ANKH: variants seen among roughly 807,000 people sequenced by gnomAD.
ANKH encodes mineralization regulator ANKH.
In ANKH, 15 loss-of-function variants were observed where a neutral mutation model predicts 49.0. The ratio of observed to expected loss-of-function variants is 0.31; its 90% CI spans 0.20 to 0.47. The LOEUF is 0.47. Among genes scored for constraint, ANKH ranks in the 20% least tolerant of loss-of-function variants. The pLI is 1.00. For missense variants in ANKH, 429 were observed against 652.0 expected (o/e 0.66, Z 3.72); for synonymous variants, 273 against 260.0 (o/e 1.05, Z -0.48).
At chr5:14,739,020 G>T (rs1738271796) in intron 8 of ANKH, among the ~76,000 whole-genome samples, 1 of 152,190 alleles carries the variant, frequency 6.6e-6, no homozygotes, top group Non-Finnish European at 1.5e-5. Context: ...GCCTCATGAA[G>T]TTTGGGGCCC....
chr5:14,824,837 C>T (rs925730899), intron 1 of ANKH, among the ~76,000 whole-genome samples: 4 of 152,130 alleles, frequency 2.6e-5, no homozygotes, highest in South Asian at 2.1e-4. Context: ...TCTGGTTACA[C>T]GCCCCAAAAG....
chr5:14,810,653 G>A (rs1304475703), intron 1 of ANKH, among the ~76,000 whole-genome samples: 1 of 152,044 alleles, frequency 6.6e-6, no homozygotes, highest in Admixed American at 6.6e-5. Flanking sequence ...CAAGTCTCAG[G>A]AATCTCTTGC....
chr5:14,830,208 G>A (rs1241535179), intron 1 of ANKH, among the ~76,000 whole-genome samples: 1 of 152,204 alleles, frequency 6.6e-6, no homozygotes, highest in Non-Finnish European at 1.5e-5. Context: ...GTCCTTCTGT[G>A]TATTTGAGGC....
At chr5:14,753,636 A>G (rs17250977) in intron 4 of ANKH, among the ~76,000 whole-genome samples, 4,094 of 152,338 alleles carry the variant, frequency 0.027, 76 homozygotes, top group Middle Eastern at 0.078. Flanking sequence ...ACCAGGGAAC[A>G]AAACAAAAAC....
At chr5:14,822,135 T>G (rs955750783) in intron 1 of ANKH, among the ~76,000 whole-genome samples, 1 of 152,220 alleles carries the variant, frequency 6.6e-6, no homozygotes, top group African/African-American at 2.4e-5. Context: ...AACATGTAGC[T>G]AGGAGCATTT....
In ANKH at chr5:14,706,365, C is replaced by T. The variant is rs1177629506; in HGVS notation, c.*4832G>A. 2.0e-5 allele frequency: 3 copies of T among 152,190 alleles called. No homozygotes were observed. The highest frequency in any genetic ancestry group is 4.4e-5 in the Non-Finnish European group (3 of 68,018). The allele number at this position is 152,190 out of a possible 1,614,324, so 9.4% of individuals were successfully genotyped here. The stretch of plus-strand genomic sequence containing the variant: ...AATGAAATATTTTAAAAGATACTGG[C>T]TATAATTCTCCTGGAACCACTTGGA... On this transcript the variant is annotated 3_prime_UTR_variant, in exon 12 of 12. Transcript: ENST00000284268.
intron 6 of ANKH, among the ~76,000 whole-genome samples, chr5:14,748,776 T>C (rs1738620254): frequency 6.6e-6 from 1 of 152,242 alleles, no homozygotes; most frequent in East Asian, 1.9e-4. Context: ...GTGGCATGCA[T>C]GCTCCATCAT....
chr5:14,849,739 T>G (rs1285025118), intron 1 of ANKH, among the ~76,000 whole-genome samples: 1 of 152,228 alleles, frequency 6.6e-6, no homozygotes, highest in East Asian at 1.9e-4. Flanking sequence ...ACCATAGCTG[T>G]GCCGGACGAT....
chr5:14,811,090 C>T (rs894513687), intron 1 of ANKH, among the ~76,000 whole-genome samples: 6 of 152,194 alleles, frequency 3.9e-5, no homozygotes, highest in Non-Finnish European at 5.9e-5. Context: ...GACTGCACAG[C>T]CTCCTCACTA....
At chr5:14,716,597 G>C in intron 9 of ANKH, 109 bp downstream of exon 9, 1 of 1,488,186 alleles carries the variant, frequency 6.7e-7, no homozygotes, top group Admixed American at 1.7e-5. Context: ...CTAAGCCACA[G>C]TGAAATTTTA....
At chr5:14,833,749 T>C (rs1741575151) in intron 1 of ANKH, among the ~76,000 whole-genome samples, 1 of 152,178 alleles carries the variant, frequency 6.6e-6, no homozygotes, top group Non-Finnish European at 1.5e-5. Flanking sequence ...GCTTATAGTA[T>C]AATGCAAAGC....
intron 1 of ANKH, among the ~76,000 whole-genome samples, chr5:14,830,212 T>C (rs1741461988): frequency 6.6e-6 from 1 of 152,248 alleles, no homozygotes; most frequent in East Asian, 1.9e-4. Context: ...TTCTGTGTAT[T>C]TGAGGCTGCC....
At chr5:14,764,097 A>AAATAAATAAATAAATAAATAAATAAAT (rs1561044514) in intron 2 of ANKH, among the ~76,000 whole-genome samples, 73 of 78,078 alleles carry the variant, frequency 9.3e-4, no homozygotes, top group African/African-American at 3.1e-3. Flanking sequence ...AATAAATAAA[A>AAATAAATAAATAAATAAATAAATAAAT]ATAAAAAAAG....
At chr5:14,780,806 T>C (rs575255999) in intron 1 of ANKH, among the ~76,000 whole-genome samples, 2 of 152,320 alleles carry the variant, frequency 1.3e-5, no homozygotes, top group African/African-American at 4.8e-5. Context: ...GGCTGCCATC[T>C]ATCTAATCCT....
intron 4 of ANKH, among the ~76,000 whole-genome samples, chr5:14,754,002 T>C (rs1738800521): frequency 2.0e-5 from 3 of 152,182 alleles, no homozygotes; most frequent in Admixed American, 6.5e-5. Flanking sequence ...TTTCAGGTAA[T>C]GAGAGGAAGC....
chr5:14,871,259 G>C (rs540232490), intron 1 of ANKH, 93 bp downstream of exon 1: 5 of 1,082,242 alleles, frequency 4.6e-6, no homozygotes, highest in Non-Finnish European at 6.9e-6. Context: ...GATAAAGAGG[G>C]ACTCGGAGCA....
intron 8 of ANKH, among the ~76,000 whole-genome samples, chr5:14,729,908 T>G (rs1286106487): frequency 6.6e-6 from 1 of 152,212 alleles, no homozygotes; most frequent in African/African-American, 2.4e-5. Flanking sequence ...CCTGAGTTGC[T>G]CTCTCTGCGG....
chr5:14,801,030 C>T (rs73050649), intron 1 of ANKH, among the ~76,000 whole-genome samples: 2,441 of 152,240 alleles, frequency 0.016, 58 homozygotes, highest in African/African-American at 0.048. Context: ...CCAGCCCAAA[C>T]GTAACTTTTA....
At position 14,736,006 on chromosome 5, in the gene ANKH, C is replaced by CTTT. The variant is rs540010631; in HGVS notation, c.1011+5818_1011+5820dup. ...AGAAAGATCCAGAGTAAAAACCTAA[C>CTTT]TTTTTTTTTTTTTTTTTTTTTTTTT... On this transcript the variant is annotated intron_variant, in intron 8 of 11. Transcript: ENST00000284268. Among the ~76,000 whole-genome samples the CTTT allele has an allele frequency of 3.2e-3, 265 of 83,624 alleles. 8 individuals carry two copies. Among genetic ancestry groups the CTTT allele is most frequent in the African/African-American group, 0.01 (179 of 17,192 alleles). 54.9% of individuals were successfully genotyped at this position (83,624 alleles called of 152,430 possible). A position where few individuals can be genotyped will look rare whatever the true frequency, so the allele number is the denominator to read the frequency against.
Sources: allele counts gnomAD v4.1 joint callset (sites outside exome capture counted in the v4.1 genomes callset), GRCh38; gene constraint gnomAD v4.1.1; transcripts MANE v1.5; gene names NCBI Gene and HGNC (gene_info 2026-07-23, HGNC 2026-07-21).